The following CTNNA2 variants were observed in gnomAD, a reference collection of about 807,000 sequenced individuals.
CTNNA2 encodes catenin alpha 2, also known as catenin alpha-2.
CTNNA2 carries 42 observed loss-of-function variants against 101.0 expected under a neutral mutation model. The ratio of observed to expected loss-of-function variants is 0.42; its 90% confidence interval spans 0.32 to 0.54. The LOEUF is 0.54. Ranked by LOEUF, CTNNA2 falls within the 20% of genes least tolerant of loss-of-function variation. The pLI is 0.14. For missense variants in CTNNA2, 871 were observed against 1,223.1 expected (o/e 0.71, Z 4.29); for synonymous variants, 450 against 456.4 (o/e 0.99, Z 0.18).
chr2:79,712,946 G>A (rs1001109112), intron 2 of CTNNA2, among the ~76,000 whole-genome samples: 8 of 152,020 alleles, frequency 5.3e-5, no homozygotes, highest in African/African-American at 1.4e-4. Flanking sequence ...CTAGAAACTG[G>A]GATTGGTATG....
intron 3 of CTNNA2, among the ~76,000 whole-genome samples, chr2:79,805,298 T>G (rs564820602): frequency 1.3e-5 from 2 of 152,342 alleles, no homozygotes; most frequent in South Asian, 4.1e-4. Context: ...AGCTTAAGGA[T>G]AGGACCAAAG....
intron 2 of CTNNA2, among the ~76,000 whole-genome samples, chr2:79,304,057 G>T (rs758000652): frequency 6.6e-6 from 1 of 152,042 alleles, no homozygotes; most frequent in South Asian, 2.1e-4. Context: ...GTCCATGCAG[G>T]GTGTGGGGGC....
At chr2:80,639,430 G>T (rs577991213) in intron 18 of CTNNA2, among the ~76,000 whole-genome samples, 2 of 151,886 alleles carry the variant, frequency 1.3e-5, no homozygotes, top group Non-Finnish European at 2.9e-5. Flanking sequence ...GACTGGTCTC[G>T]ATCTCCTGAC....
At chr2:80,569,353 A>C (rs1178028407) in intron 12 of CTNNA2, among the ~76,000 whole-genome samples, 1 of 152,194 alleles carries the variant, frequency 6.6e-6, no homozygotes, top group African/African-American at 2.4e-5. Context: ...TCAAAAGTTT[A>C]TCTCTGAATT....
chr2:80,539,301 G>A (rs1691321282), intron 9 of CTNNA2, among the ~76,000 whole-genome samples: 1 of 121,600 alleles, frequency 8.2e-6, no homozygotes, highest in Non-Finnish European at 1.7e-5. Flanking sequence ...ATAGGCATAG[G>A]CTCTCCTTGC....
intron 7 of CTNNA2, among the ~76,000 whole-genome samples, chr2:80,115,220 T>G (rs555570903): frequency 3.0e-4 from 46 of 152,222 alleles, no homozygotes; most frequent in Non-Finnish European, 5.6e-4. Flanking sequence ...GGCCTTCCCT[T>G]GCTGTGTGGG....
intron 1 of CTNNA2, among the ~76,000 whole-genome samples, chr2:79,572,765 T>G (rs943960382): frequency 2.0e-5 from 3 of 152,164 alleles, no homozygotes; most frequent in Non-Finnish European, 4.4e-5. Flanking sequence ...AAACAAAAAA[T>G]TATAAGGCCA....
intron 7 of CTNNA2, among the ~76,000 whole-genome samples, chr2:80,042,430 C>CAA (rs1423691637): frequency 6.6e-6 from 1 of 152,104 alleles, no homozygotes; most frequent in African/African-American, 2.4e-5. Context: ...TTTTTATTGA[C>CAA]AAAGGAAATT....
intron 3 of CTNNA2, among the ~76,000 whole-genome samples, chr2:79,826,557 A>G (rs1413881058): frequency 6.6e-6 from 1 of 152,202 alleles, no homozygotes; most frequent in African/African-American, 2.4e-5. Context: ...TCATCTTCAT[A>G]TCTGCATGTC....
chr2:80,237,136 T>C (rs1709591171), intron 7 of CTNNA2, among the ~76,000 whole-genome samples: 1 of 152,050 alleles, frequency 6.6e-6, no homozygotes, highest in Non-Finnish European at 1.5e-5. Flanking sequence ...AAGACATGAG[T>C]TCAGAATAAG....
intron 2 of CTNNA2, among the ~76,000 whole-genome samples, chr2:79,717,617 A>G (rs1186971774): frequency 6.6e-6 from 1 of 152,216 alleles, no homozygotes; most frequent in Non-Finnish European, 1.5e-5. Flanking sequence ...CTGCTATTCT[A>G]TAATGACTCT....
At chr2:80,508,700 A>T (rs1688471439) in intron 9 of CTNNA2, among the ~76,000 whole-genome samples, 1 of 150,046 alleles carries the variant, frequency 6.7e-6, no homozygotes. Flanking sequence ...CAAATTTGAG[A>T]TTGTGTTGAT....
At chr2:80,305,458 G>T (rs1170427965) in intron 7 of CTNNA2, 2 of 852,612 alleles carry the variant, frequency 2.3e-6, no homozygotes, top group East Asian at 2.5e-4. Flanking sequence ...CCTGACTTGT[G>T]CTGTTCATGG....
chr2:80,359,779 T>A (rs1439019449), intron 7 of CTNNA2, among the ~76,000 whole-genome samples: 1 of 152,176 alleles, frequency 6.6e-6, no homozygotes. Flanking sequence ...ATATGCTGTC[T>A]TAATTATTAT....
chr2:79,452,943 G>A (rs971367763), intron 4 of CTNNA2, among the ~76,000 whole-genome samples: 1 of 152,076 alleles, frequency 6.6e-6, no homozygotes, highest in African/African-American at 2.4e-5. Flanking sequence ...AAATCATTAA[G>A]GGAGAATAAA....
At chr2:80,580,032 C>T (rs550813740) in intron 13 of CTNNA2, among the ~76,000 whole-genome samples, 112 of 152,330 alleles carry the variant, frequency 7.4e-4, no homozygotes, top group South Asian at 1.2e-3. Flanking sequence ...TTCACTCACT[C>T]ACTTTTGTGC....
intron 4 of CTNNA2, among the ~76,000 whole-genome samples, chr2:79,435,101 G>A (rs1267800917): frequency 6.6e-6 from 1 of 152,078 alleles, no homozygotes; most frequent in East Asian, 1.9e-4. Flanking sequence ...AAGGTGTGGG[G>A]AGGTAGTCTG....
At chr2:79,907,108 A>G (rs1262393314) in intron 6 of CTNNA2, among the ~76,000 whole-genome samples, 1 of 152,206 alleles carries the variant, frequency 6.6e-6, no homozygotes, top group Admixed American at 6.5e-5. Context: ...CCTAAAGTAC[A>G]ATAAATACCT....
intron 2 of CTNNA2, among the ~76,000 whole-genome samples, chr2:79,718,926 A>C (rs13034961): frequency 0.18 from 27,597 of 151,362 alleles, 2,843 homozygotes; most frequent in Middle Eastern, 0.26. Flanking sequence ...TTTTTCATTC[A>C]ATTTTTATTT....
Sources: gnomAD v4.1 joint callset for allele counts (sites outside exome capture counted in the v4.1 genomes callset) on GRCh38, gnomAD v4.1.1 for gene constraint, MANE v1.5 for transcripts, NCBI Gene and HGNC (gene_info 2026-07-23, HGNC 2026-07-21) for gene names.